SULT1C2: variants seen among roughly 807,000 people sequenced by gnomAD.
SULT1C2 encodes sulfotransferase 1C2.
A neutral mutation model predicts 36.0 loss-of-function variants in SULT1C2; 27 were observed. The observed-to-expected ratio is 0.75, with a 90% CI of 0.55 to 1.03. The LOEUF (loss-of-function observed/expected upper bound fraction) is 1.03. SULT1C2 is among the 50% of genes least tolerant of loss of function. SULT1C2 has a pLI of 0.00. For synonymous variants in SULT1C2, 121 were observed against 116.0 expected (o/e 1.04, Z -0.27); for missense variants, 395 against 359.2 (o/e 1.10, Z -0.80).
intron 4 of SULT1C2, chr2:108,301,218 T>G: frequency 2.8e-6 from 1 of 359,328 alleles, no homozygotes. Context: ...GGGGAGAAGA[T>G]GGTGGTCCCA....
At chr2:108,300,791 T>C (rs533191153) in intron 3 of SULT1C2, 47 bp from the exon 4 acceptor site, 1 of 1,612,986 alleles carries the variant, frequency 6.2e-7, no homozygotes. Flanking sequence ...GAGGTCCCCA[T>C]GTAGTGCTTG....
chr2:108,292,230 G>A (rs1356096246), intron 1 of SULT1C2, among the ~76,000 whole-genome samples: 2 of 152,280 alleles, frequency 1.3e-5, no homozygotes, highest in Non-Finnish European at 2.9e-5. Flanking sequence ...GCAAATTGAC[G>A]TGTTCGATAA....
chr2:108,297,220 C>T (rs1052103825), intron 3 of SULT1C2, among the ~76,000 whole-genome samples: 6 of 152,102 alleles, frequency 3.9e-5, no homozygotes. Context: ...GAAACCAATG[C>T]AGATGATATA....
In SULT1C2 at chr2:108,304,482, A is replaced by G. The variant is rs534618100; in HGVS notation, c.376-92A>G. The G allele has an allele frequency of 4.2e-5, 61 of 1,448,950 alleles. No homozygotes were observed. The South Asian group carries it at 8.0e-4, about 19-fold the overall frequency. The allele number at this position is 1,448,950 out of a possible 1,614,324, so 89.8% of individuals were successfully genotyped here. ...GCACTGCAGAACTGAGCCAGAGTGCACAGCAACCCTCAGGATGGCTCTGCC... is the reference window on the plus strand; with the variant it reads ...GCACTGCAGAACTGAGCCAGAGTGCGCAGCAACCCTCAGGATGGCTCTGCC... On this transcript the variant is annotated intron_variant, in intron 4 of 7. Coordinates refer to ENST00000251481, the MANE Select transcript of SULT1C2 (RefSeq NM_001056.4).
At chr2:108,302,308 C>T (rs1001246132) in intron 4 of SULT1C2, 2 of 152,258 alleles carry the variant, frequency 1.3e-5, no homozygotes, top group Non-Finnish European at 2.9e-5. Context: ...GGGCTACATC[C>T]TCAATGGATG....
At chr2:108,294,777 T>TACAC (rs149576778) in intron 3 of SULT1C2, among the ~76,000 whole-genome samples, 48 of 148,302 alleles carry the variant, frequency 3.2e-4, no homozygotes, top group African/African-American at 9.9e-4. Context: ...CACACACACA[T>TACAC]ACACACACAC....
chr2:108,292,668 T>G (rs1160611484), intron 1 of SULT1C2, among the ~76,000 whole-genome samples: 1 of 152,192 alleles, frequency 6.6e-6, no homozygotes, highest in Non-Finnish European at 1.5e-5. Flanking sequence ...CCTTGTGCAC[T>G]GCTTGTAAAA....
chr2:108,300,523 G>A (rs1216073450), intron 3 of SULT1C2: 3 of 401,816 alleles, frequency 7.5e-6, no homozygotes, highest in Non-Finnish European at 1.3e-5. Flanking sequence ...TGGCAGGAAG[G>A]TGAGGGAGTC....
rs921748959 is a variant in SULT1C2 at position 108,305,159 on chromosome 2, G to A, written c.503-13G>A. ...GCCTATGTAGACTATTCTGTTTCCT[G>A]TGTCTATTTCAGTGGTTTGGGGTTC... On this transcript the variant is annotated splice_polypyrimidine_tract_variant and intron_variant, in intron 5 of 7. Coordinates refer to ENST00000251481, the MANE Select transcript of SULT1C2 (RefSeq NM_001056.4). 1.9e-6 allele frequency: 3 copies of A among 1,614,020 alleles called. No homozygotes were observed. Among genetic ancestry groups the A allele is most frequent in the Non-Finnish European group, 2.5e-6 (3 of 1,179,906 alleles).
chr2:108,290,409 A>G (rs1017624464), intron 1 of SULT1C2, among the ~76,000 whole-genome samples: 4 of 152,342 alleles, frequency 2.6e-5, no homozygotes, highest in African/African-American at 4.8e-5. Context: ...CTAATATACT[A>G]TGAATTAGGA....
intron 4 of SULT1C2, chr2:108,303,495 T>G (rs968986303): frequency 5.3e-5 from 8 of 152,258 alleles, no homozygotes; most frequent in African/African-American, 1.7e-4. Flanking sequence ...GGCCTAGTGG[T>G]CTGGTATCTG....
At chr2:108,304,372 G>A in intron 4 of SULT1C2, 1 of 472,632 alleles carries the variant, frequency 2.1e-6, no homozygotes, top group Non-Finnish European at 3.7e-6. Context: ...TAATTAAAAG[G>A]ACTGAGTTTG....
In SULT1C2 at chr2:108,296,457, TGG is replaced by T. The variant is rs1263120554; in HGVS notation, c.277+2104_277+2105del. 3.1e-4 allele frequency among the ~76,000 whole-genome samples: 23 copies of T among 74,444 alleles called. 1 individual carries two copies. The Admixed American group carries it at 3.7e-3, about 12-fold the overall frequency. The allele number at this position is 74,444 out of a possible 152,430, so 48.8% of individuals were successfully genotyped here. Reference sequence around the variant, plus strand: ...CTCAGCTGTGCAGTGGTCGTTTGTTTGGTTTTTTTTTTGAGACAAAGTCTGGC... The same window carrying T: ...CTCAGCTGTGCAGTGGTCGTTTGTTTTTTTTTTTTTGAGACAAAGTCTGGC... On this transcript the variant is annotated intron_variant, in intron 3 of 7. Transcript: ENST00000251481.
At chr2:108,294,963 C>G (rs1163664713) in intron 3 of SULT1C2, among the ~76,000 whole-genome samples, 1 of 152,154 alleles carries the variant, frequency 6.6e-6, no homozygotes, top group Non-Finnish European at 1.5e-5. Flanking sequence ...TTTTGCAAAA[C>G]AAGGATAGGA....
intron 3 of SULT1C2, among the ~76,000 whole-genome samples, chr2:108,297,474 T>A (rs1410842284): frequency 6.6e-6 from 1 of 152,070 alleles, no homozygotes; most frequent in Non-Finnish European, 1.5e-5. Context: ...TTGGCTCAAA[T>A]CCCAAGGCTA....
At chr2:108,295,291 T>C (rs1676696817) in intron 3 of SULT1C2, among the ~76,000 whole-genome samples, 1 of 152,220 alleles carries the variant, frequency 6.6e-6, no homozygotes, top group Admixed American at 6.5e-5. Flanking sequence ...GAAGAGAAAA[T>C]GGTCACTAGG....
chr2:108,308,515 C>A lies in SULT1C2; in HGVS notation c.*51C>A. The A allele has an allele frequency of 7.0e-7, 1 of 1,431,012 alleles. No individual in the cohort carries two copies. The highest frequency in any genetic ancestry group is 9.6e-7 in the Non-Finnish European group (1 of 1,041,768). The allele number at this position is 1,431,012 out of a possible 1,614,324, so 88.6% of individuals were successfully genotyped here. A position where few individuals can be genotyped will look rare whatever the true frequency, so the allele number is the denominator to read the frequency against. On this transcript the variant is annotated 3_prime_UTR_variant, in exon 8 of 8. Coordinates refer to ENST00000251481, the MANE Select transcript of SULT1C2 (RefSeq NM_001056.4). ...TGGATGGCAAGAGTGCAAATACTAT[C>A]TTCAATCCTTCAGTCCCAGCCAGAA...
intron 4 of SULT1C2, chr2:108,303,974 C>T (rs933015564): frequency 6.6e-6 from 1 of 152,088 alleles, no homozygotes; most frequent in Admixed American, 6.5e-5. Flanking sequence ...GGCATTGATG[C>T]CATTAAAATG....
At chr2:108,293,519 T>C in intron 1 of SULT1C2, 128 bp from the exon 2 acceptor site, 1 of 837,304 alleles carries the variant, frequency 1.2e-6, no homozygotes, top group Non-Finnish European at 1.7e-6. Flanking sequence ...TTATAATGGT[T>C]GCACAACAAT....
Sources: gnomAD v4.1 joint callset for allele counts (sites outside exome capture counted in the v4.1 genomes callset) on GRCh38, gnomAD v4.1.1 for gene constraint, MANE v1.5 for transcripts, NCBI Gene and HGNC (gene_info 2026-07-23, HGNC 2026-07-21) for gene names.